PPP6R1: variants seen among roughly 807,000 people sequenced by gnomAD.
PPP6R1 encodes the protein serine/threonine-protein phosphatase 6 regulatory subunit 1.
In PPP6R1, 39 loss-of-function variants were observed where a neutral mutation model predicts 104.6. The ratio of observed to expected loss-of-function variants is 0.37; its 90% CI spans 0.29 to 0.49. The LOEUF (loss-of-function observed/expected upper bound fraction) is 0.49. Ranked by LOEUF, PPP6R1 falls within the 20% of genes least tolerant of loss-of-function variation. The pLI is 0.98. For synonymous variants in PPP6R1, 549 were observed against 479.0 expected (o/e 1.15, Z -1.91); for missense variants, 1,181 against 1,155.8 (o/e 1.02, Z -0.32).
In PPP6R1 at chr19:55,241,852, GT is replaced by G. The variant is rs1413202764; in HGVS notation, c.846-214del. Reference sequence around the variant, plus strand: ...TTGGCAGTCCACTGTGAGAGCACGGGTGAGGGGTGGAGGCGGGAAGGCAAAC... The same window carrying G: ...TTGGCAGTCCACTGTGAGAGCACGGGGAGGGGTGGAGGCGGGAAGGCAAAC... On this transcript the variant is annotated intron_variant, in intron 7 of 23. Coordinates refer to ENST00000412770, the MANE Select transcript of PPP6R1 (RefSeq NM_014931.4). This position sits in a 1 kb window ranked among gnomAD's most constrained non-coding sequence, Gnocchi z 5.4. Among the ~76,000 whole-genome samples, 2 of 152,214 alleles carry G rather than the reference GT, an allele frequency of 1.3e-5. No individual in the cohort carries two copies. The highest frequency in any genetic ancestry group is 1.9e-4 in the East Asian group (1 of 5,198).
chr19:55,255,510 AC>A (rs1181545199), intron 1 of PPP6R1, among the ~76,000 whole-genome samples: 4 of 152,080 alleles, frequency 2.6e-5, no homozygotes, highest in Non-Finnish European at 4.4e-5. Context: ...AGATGGGGTT[AC>A]TATAAGGCAG....
In PPP6R1 at chr19:55,231,475, C is replaced by A. The variant is rs773997701; in HGVS notation, c.2394G>T (p.Leu798Phe). The change falls in exon 21 of 24, where the codon TTG (leucine) becomes TTT (phenylalanine). Residue 798 changes from leucine (L) to phenylalanine (F), a missense_variant. Leu to Phe is a conservative substitution (Grantham distance 22). Coordinates refer to ENST00000412770, the MANE Select transcript of PPP6R1 (RefSeq NM_014931.4). ...TGGCCTGAAGGTCCCCGATGCTAAC[C>A]AAGGCCTGGCAAGGGGCTGTGGGGG... ...VTEPSAPCQA[L>F]VSIGDLQATF... The A allele has an allele frequency of 7.5e-5, 121 of 1,608,050 alleles. No homozygotes were observed. The highest frequency in any genetic ancestry group is 1.0e-4 in the Non-Finnish European group (119 of 1,177,694).
chr19:55,231,373 T>C (rs768180160), intron 21 of PPP6R1, 37 bp downstream of exon 21: 30 of 1,542,826 alleles, frequency 1.9e-5, no homozygotes, highest in African/African-American at 4.1e-5. Context: ...GAGAAAAGAC[T>C]TCTCCCGATA....
intron 10 of PPP6R1, 52 bp from the exon 11 acceptor site, chr19:55,240,352 G>C (rs1185601744): frequency 6.5e-7 from 1 of 1,533,026 alleles, no homozygotes; most frequent in African/African-American, 1.4e-5. Flanking sequence ...CACACATGTG[G>C]GGAGCTCTGC....
intron 1 of PPP6R1, among the ~76,000 whole-genome samples, chr19:55,249,317 C>A (rs79942300): frequency 0.039 from 5,894 of 152,248 alleles, 303 homozygotes; most frequent in African/African-American, 0.12. Context: ...TCTAGGTTCA[C>A]CTCAACCTTC....
intron 1 of PPP6R1, among the ~76,000 whole-genome samples, chr19:55,251,583 C>T (rs1334786963): frequency 1.3e-5 from 2 of 152,206 alleles, no homozygotes; most frequent in Non-Finnish European, 2.9e-5. Context: ...CAAGGAAATA[C>T]AACTGTTTCC....
chr19:55,230,399 C>T lies in PPP6R1; in HGVS notation c.*129G>A. 7.2e-7 allele frequency: 1 copy of T among 1,396,190 alleles called. No individual in the cohort carries two copies. Among genetic ancestry groups the T allele is most frequent in the Non-Finnish European group, 9.8e-7 (1 of 1,015,632 alleles). 86.5% of individuals were successfully genotyped at this position (1,396,190 alleles called of 1,614,324 possible). A position where few individuals can be genotyped will look rare whatever the true frequency, so the allele number is the denominator to read the frequency against. ...TCCCTGGCACCAGCCTCCTGGGGGTCCAGAGGAGAGAATGTGGGGGTGTCA... is the reference window on the plus strand; with the variant it reads ...TCCCTGGCACCAGCCTCCTGGGGGTTCAGAGGAGAGAATGTGGGGGTGTCA... On this transcript the variant is annotated 3_prime_UTR_variant, in exon 24 of 24. Transcript: ENST00000412770.
intron 15 of PPP6R1, 150 bp from the exon 16 acceptor site, chr19:55,237,120 TG>T: frequency 1.2e-6 from 1 of 802,000 alleles, no homozygotes; most frequent in Admixed American, 2.0e-5. Context: ...CCCGAACCAC[TG>T]GTCCTAAGGG....
At chr19:55,238,395 G>A (rs867779490) in intron 15 of PPP6R1, among the ~76,000 whole-genome samples, 6 of 152,138 alleles carry the variant, frequency 3.9e-5, no homozygotes, top group African/African-American at 7.2e-5. Flanking sequence ...TGTCCCTTAC[G>A]CTGTGCTGTA....
chr19:55,242,380 C>A lies in PPP6R1; in HGVS notation c.727G>T (p.Glu243Ter). Residue 243 changes from glutamate to a stop codon, truncating the protein, a stop_gained, in exon 6 of 24, where the codon GAG becomes TAG. Transcript: ENST00000412770. LOFTEE classifies it high-confidence loss of function. ...TAGCCTTGCCCGCACACCCACTTCT[C>A]CAGGGTGGCCAGCAGTTGGTCAGGC... is the stretch of plus-strand genomic sequence containing the variant. Reference protein sequence around the residue: ...PEPDQLLATLEKQETIEQLLS... With the variant: ...PEPDQLLATL 6.2e-7 allele frequency: 1 copy of A among 1,613,314 alleles called. No homozygotes were observed. Among genetic ancestry groups the A allele is most frequent in the South Asian group, 1.1e-5 (1 of 91,070 alleles).
Position 55,245,445 on chromosome 19 carries a change from C to T in PPP6R1, c.415-43G>A. The T allele has an allele frequency of 6.2e-7, 1 of 1,611,838 alleles. No individual in the cohort carries two copies. The highest frequency in any genetic ancestry group is 8.5e-7 in the Non-Finnish European group (1 of 1,178,858). On this transcript the variant is annotated intron_variant, in intron 3 of 23. Transcript: ENST00000412770. The surrounding 1 kb of genome is among the most constrained non-coding windows in gnomAD (Gnocchi z 6.4). ...GCGTCATGCACAGGGCCTGGCCCAG[C>T]CACCACCCCTCAACCCACGGTGGCG...
chr19:55,248,317 T>G (rs985847844), intron 1 of PPP6R1, among the ~76,000 whole-genome samples: 12 of 151,594 alleles, frequency 7.9e-5, no homozygotes, highest in African/African-American at 2.9e-4. Flanking sequence ...GCCCGGTAAG[T>G]CAGGCGGCAT....
intron 21 of PPP6R1, 179 bp from the exon 22 acceptor site, chr19:55,231,063 G>T: frequency 1.6e-6 from 1 of 630,800 alleles, no homozygotes; most frequent in Middle Eastern, 4.2e-4. Context: ...GCCCTGGACA[G>T]GAAGACAAGC....
chr19:55,235,136 G>C (rs1184598846), intron 17 of PPP6R1, among the ~76,000 whole-genome samples: 1 of 151,872 alleles, frequency 6.6e-6, no homozygotes, highest in South Asian at 2.1e-4. Context: ...TGATGACTTA[G>C]TGTTCAGGCT....
rs373278477 is a variant in PPP6R1 at position 55,231,653 on chromosome 19, T to C, written c.2322A>G (p.Thr774=). The change falls in exon 20 of 24, where the codon ACA becomes ACG. Residue 774 remains threonine, a synonymous_variant. Coordinates refer to ENST00000412770, the MANE Select transcript of PPP6R1 (RefSeq NM_014931.4). The part of the protein sequence containing the change: ...DALQLRSQDP[T]PPSAPQEATE... ...TGGCTTCCTGAGGTGCTGAGGGGGGTGTGGGGTCCTGAGACCTGGTAGGCG... is the reference window on the plus strand; with the variant it reads ...TGGCTTCCTGAGGTGCTGAGGGGGGCGTGGGGTCCTGAGACCTGGTAGGCG... The C allele has an allele frequency of 6.2e-7, 1 of 1,607,054 alleles. No homozygotes were observed. Among genetic ancestry groups the C allele is most frequent in the African/African-American group, 1.3e-5 (1 of 74,318 alleles).
chr19:55,251,029 T>C (rs957378533), intron 1 of PPP6R1, among the ~76,000 whole-genome samples: 2 of 152,126 alleles, frequency 1.3e-5, no homozygotes, highest in Non-Finnish European at 2.9e-5. Context: ...CCCAGCGACT[T>C]TGTCCTAATA....
Position 55,237,112 on chromosome 19 carries a change from C to T in PPP6R1, c.1752-142G>A, listed in dbSNP as rs2087406984. 2.1e-5 allele frequency: 18 copies of T among 847,318 alleles called. No homozygotes were observed. In the Admixed American group the frequency reaches 2.2e-4, roughly 11 times the overall value. 52.5% of individuals were successfully genotyped at this position (847,318 alleles called of 1,614,324 possible). ...GGTATCTGCAAATTCACACACAACC[C>T]GAACCACTGGTCCTAAGGGGCAACG... is the stretch of plus-strand genomic sequence containing the variant. On this transcript the variant is annotated intron_variant, in intron 15 of 23. Coordinates refer to ENST00000412770, the MANE Select transcript of PPP6R1 (RefSeq NM_014931.4).
chr19:55,228,660 C>T (rs746575586), downstream of PPP6R1: 1 of 1,601,418 alleles, frequency 6.2e-7, no homozygotes, highest in Non-Finnish European at 8.5e-7. Context: ...CCTGTCCCCC[C>T]AGCCCCAGGC....
chr19:55,230,607 A>T lies in PPP6R1; in HGVS notation c.2642+6T>A. 1.9e-6 allele frequency: 3 copies of T among 1,612,386 alleles called. No homozygotes were observed. Among genetic ancestry groups the T allele is most frequent in the Non-Finnish European group, 2.5e-6 (3 of 1,179,232 alleles). On this transcript the variant is annotated splice_donor_region_variant and intron_variant, in intron 23 of 23. Coordinates refer to ENST00000412770, the MANE Select transcript of PPP6R1 (RefSeq NM_014931.4). ...CTACCCAGCCCGAGGCTGCAGCCAC[A>T]CTCACTGGGAGCCTGGGGATGCAGG...
Sources: gnomAD v4.1 joint callset for allele counts (sites outside exome capture counted in the v4.1 genomes callset) on GRCh38, gnomAD v4.1.1 for gene constraint, Gnocchi (gnomAD v3.1) non-coding constraint, MANE v1.5 for transcripts, NCBI Gene and HGNC (gene_info 2026-07-23, HGNC 2026-07-21) for gene names.